GPHN: variants seen among roughly 807,000 people sequenced by gnomAD.
The protein encoded by GPHN is gephyrin.
Under a neutral mutation model 95.5 loss-of-function variants are expected in GPHN, and 17 were observed. The observed-to-expected ratio is 0.18, with a 90% CI of 0.12 to 0.27. The LOEUF is 0.27. Ranked by LOEUF, GPHN falls within the 10% of genes least tolerant of loss-of-function variation. GPHN has a pLI of 1.00. For synonymous variants in GPHN, 320 were observed against 322.5 expected, an observed-to-expected ratio of 0.99 and a Z score of 0.08; for missense variants, 660 against 978.1, an observed-to-expected ratio of 0.67 and a Z score of 4.34.
chr14:67,388,796 C>T, the GPHN span, among the ~76,000 whole-genome samples: 1 of 152,152 alleles, frequency 6.6e-6, no homozygotes, highest in Non-Finnish European at 1.5e-5. Context: ...TCTCCTGCCT[C>T]AGTCTCCCGA....
At chr14:66,947,939 G>A (rs933216855) in intron 8 of GPHN, among the ~76,000 whole-genome samples, 3 of 152,164 alleles carry the variant, frequency 2.0e-5, no homozygotes, top group African/African-American at 7.2e-5. Context: ...CTGGATGACA[G>A]AGCAAGGCCT....
At chr14:66,693,288 TTAA>T (rs1197051277) in intron 2 of GPHN, among the ~76,000 whole-genome samples, 1 of 152,184 alleles carries the variant, frequency 6.6e-6, no homozygotes, top group Non-Finnish European at 1.5e-5. Context: ...AAGGAATATT[TTAA>T]TAACTTTTTC....
intron 16 of GPHN, among the ~76,000 whole-genome samples, chr14:67,118,272 T>G (rs747289028): frequency 2.0e-5 from 3 of 152,168 alleles, no homozygotes; most frequent in Non-Finnish European, 4.4e-5. Flanking sequence ...GAACAGTACA[T>G]TCTTAGAGAA....
the GPHN span, among the ~76,000 whole-genome samples, chr14:67,399,348 G>A: frequency 1.3e-5 from 2 of 151,022 alleles, no homozygotes; most frequent in African/African-American, 4.9e-5. Context: ...AAAGAGAAGG[G>A]TAGTTTAGGT....
the GPHN span, among the ~76,000 whole-genome samples, chr14:67,288,127 T>C: frequency 1.5e-3 from 234 of 152,240 alleles, 1 homozygote; most frequent in African/African-American, 5.6e-3. Context: ...TCGCCCAGGC[T>C]GGAGTGCAGT....
the GPHN span, among the ~76,000 whole-genome samples, chr14:67,326,271 CTA>C: frequency 2.3e-5 from 1 of 43,430 alleles, no homozygotes; most frequent in Non-Finnish European, 4.2e-5. Context: ...AGAGGAGATT[CTA>C]TATGTCACCC....
the GPHN span, among the ~76,000 whole-genome samples, chr14:67,440,230 T>G: frequency 5.3e-5 from 8 of 152,304 alleles, no homozygotes; most frequent in South Asian, 1.7e-3. Context: ...TGGCAGGAAG[T>G]CTGACTTCTT....
chr14:67,463,842 A>G, the GPHN span, among the ~76,000 whole-genome samples: 2 of 152,226 alleles, frequency 1.3e-5, no homozygotes, highest in Admixed American at 6.5e-5. Context: ...CCAAAGTCAT[A>G]TAGACAGTAA....
At chr14:66,813,341 G>A (rs1446346070) in intron 3 of GPHN, among the ~76,000 whole-genome samples, 1 of 152,222 alleles carries the variant, frequency 6.6e-6, no homozygotes, top group East Asian at 1.9e-4. Flanking sequence ...CAACAGGCAT[G>A]CTTTTAACAG....
chr14:67,699,484 G>A, the GPHN span, among the ~76,000 whole-genome samples: 4 of 151,204 alleles, frequency 2.6e-5, no homozygotes, highest in Non-Finnish European at 4.4e-5. Context: ...CAGCTACTCC[G>A]GAGGTTCAGG....
chr14:67,046,278 C>T (rs2075011577), intron 10 of GPHN, among the ~76,000 whole-genome samples: 1 of 152,196 alleles, frequency 6.6e-6, no homozygotes, highest in East Asian at 1.9e-4. Flanking sequence ...ATTATTTGAG[C>T]ACTTTCTTAC....
chr14:67,526,816 C>A, the GPHN span, among the ~76,000 whole-genome samples: 2 of 151,994 alleles, frequency 1.3e-5, no homozygotes, highest in African/African-American at 4.8e-5. Context: ...ATGTCCAGGG[C>A]TTCCATACTG....
At chr14:66,832,147 A>G (rs2061604125) in intron 4 of GPHN, among the ~76,000 whole-genome samples, 1 of 152,172 alleles carries the variant, frequency 6.6e-6, no homozygotes, top group Admixed American at 6.6e-5. Flanking sequence ...ACCCTGTTTT[A>G]AAAAATAAAT....
the GPHN span, among the ~76,000 whole-genome samples, chr14:67,192,984 CTCTCTATATA>C: frequency 6.9e-6 from 1 of 144,044 alleles, no homozygotes; most frequent in Non-Finnish European, 1.5e-5. Context: ...AGATATAGAT[CTCTCTATATA>C]TCTCTATATA....
At chr14:67,361,076 T>TA in the GPHN span, among the ~76,000 whole-genome samples, 3 of 152,198 alleles carry the variant, frequency 2.0e-5, no homozygotes, top group African/African-American at 4.8e-5. Context: ...ACAATGAGAA[T>TA]AGAACTGTGT....
intron 10 of GPHN, among the ~76,000 whole-genome samples, chr14:67,041,148 A>C (rs2074679242): frequency 6.6e-6 from 1 of 152,112 alleles, no homozygotes; most frequent in Non-Finnish European, 1.5e-5. Flanking sequence ...TATTTTCAAA[A>C]TGAGAAAGGC....
At chr14:66,975,086 A>G (rs1465895318) in intron 9 of GPHN, among the ~76,000 whole-genome samples, 1 of 152,170 alleles carries the variant, frequency 6.6e-6, no homozygotes, top group African/African-American at 2.4e-5. Flanking sequence ...TAATATGAGC[A>G]TCTTTCTATG....
At chr14:67,022,795 G>A (rs753175404) in intron 9 of GPHN, among the ~76,000 whole-genome samples, 1 of 151,436 alleles carries the variant, frequency 6.6e-6, no homozygotes, top group Non-Finnish European at 1.5e-5. Flanking sequence ...TCCATTTGTG[G>A]CAAGCTGCTG....
At chr14:67,383,834 C>T in the GPHN span, 1 of 239,506 alleles carries the variant, frequency 4.2e-6, no homozygotes, top group Admixed American at 5.2e-5. Context: ...TTCAAGCAAA[C>T]ATCAAATAAA....
Sources: allele counts gnomAD v4.1 joint callset (sites outside exome capture counted in the v4.1 genomes callset), GRCh38; gene constraint gnomAD v4.1.1; transcripts MANE v1.5; gene names NCBI Gene and HGNC (gene_info 2026-07-23, HGNC 2026-07-21).